Variants in PIP4K2A observed in about 807,000 individuals in gnomAD.
The protein encoded by PIP4K2A is phosphatidylinositol 5-phosphate 4-kinase type-2 alpha.
Under a neutral mutation model 42.9 loss-of-function variants are expected in PIP4K2A, and 14 were observed. That is an observed-to-expected ratio of 0.33 (90% CI 0.22 to 0.51). The LOEUF is 0.51. Among genes scored for constraint, PIP4K2A ranks in the 20% least tolerant of loss-of-function variants. The pLI is 0.97. For missense variants in PIP4K2A, 434 were observed against 519.8 expected (o/e 0.83, Z 1.61); for synonymous variants, 192 against 192.2 (o/e 1.00, Z 0.01).
At chr10:22,683,885 G>C (rs1166444136) in intron 1 of PIP4K2A, among the ~76,000 whole-genome samples, 1 of 150,898 alleles carries the variant, frequency 6.6e-6, no homozygotes, top group Non-Finnish European at 1.5e-5. Context: ...AATTCAAAGT[G>C]TGTCAGATCT....
chr10:22,581,565 T>TTA (rs1491198835), intron 4 of PIP4K2A, among the ~76,000 whole-genome samples: 1 of 78,674 alleles, frequency 1.3e-5, no homozygotes, highest in African/African-American at 5.6e-5. Flanking sequence ...ATCCTATCTC[T>TTA]AAAAAAAAAA....
At chr10:22,612,135 A>AT (rs1190508016) in intron 1 of PIP4K2A, among the ~76,000 whole-genome samples, 2 of 152,162 alleles carry the variant, frequency 1.3e-5, no homozygotes, top group African/African-American at 4.8e-5. Context: ...TTCCTTATTG[A>AT]TTTTCCTTCC....
At chr10:22,653,717 C>G (rs1261579008) in intron 1 of PIP4K2A, among the ~76,000 whole-genome samples, 1 of 152,056 alleles carries the variant, frequency 6.6e-6, no homozygotes, top group Non-Finnish European at 1.5e-5. Context: ...AGTTCGAGAC[C>G]AGCCTGGCCG....
chr10:22,688,588 G>A (rs1316480420), intron 1 of PIP4K2A, among the ~76,000 whole-genome samples: 2 of 152,232 alleles, frequency 1.3e-5, no homozygotes, highest in East Asian at 3.9e-4. Context: ...GAGTAGCTGA[G>A]ACTACAGGCA....
At chr10:22,683,407 G>A (rs1839700526) in intron 1 of PIP4K2A, among the ~76,000 whole-genome samples, 1 of 152,188 alleles carries the variant, frequency 6.6e-6, no homozygotes, top group Non-Finnish European at 1.5e-5. Flanking sequence ...GGGGACCTGA[G>A]TCAGAGCCAG....
intron 1 of PIP4K2A, among the ~76,000 whole-genome samples, chr10:22,618,324 A>G (rs565980760): frequency 1.3e-5 from 2 of 152,218 alleles, no homozygotes; most frequent in African/African-American, 4.8e-5. Flanking sequence ...TCCTTCCACC[A>G]AACAAATGAC....
At chr10:22,557,169 GACAGTT>G (rs144834705) in intron 6 of PIP4K2A, among the ~76,000 whole-genome samples, 3,593 of 152,256 alleles carry the variant, frequency 0.024, 148 homozygotes, top group African/African-American at 0.08. Flanking sequence ...AACGTATCAG[GACAGTT>G]ACAAAGTTCA....
intron 1 of PIP4K2A, among the ~76,000 whole-genome samples, chr10:22,702,810 C>T (rs1050501130): frequency 1.2e-4 from 19 of 152,054 alleles, no homozygotes; most frequent in African/African-American, 4.4e-4. Flanking sequence ...GAATCCCAGC[C>T]CCACTCATTC....
chr10:22,609,371 T>A (rs960695646), intron 2 of PIP4K2A, among the ~76,000 whole-genome samples: 3 of 152,270 alleles, frequency 2.0e-5, no homozygotes, highest in African/African-American at 7.2e-5. Flanking sequence ...ATTTGAATTA[T>A]AATGAGAATA....
At chr10:22,711,436 A>G (rs2130932568) in intron 1 of PIP4K2A, among the ~76,000 whole-genome samples, 1 of 152,378 alleles carries the variant, frequency 6.6e-6, no homozygotes, top group East Asian at 1.9e-4. Flanking sequence ...TTGGAAGGTT[A>G]TAATAGTAAG....
intron 1 of PIP4K2A, among the ~76,000 whole-genome samples, chr10:22,679,067 AAC>A (rs1839614192): frequency 6.6e-6 from 1 of 152,250 alleles, no homozygotes; most frequent in African/African-American, 2.4e-5. Flanking sequence ...CGGCAGAAGC[AAC>A]AAACTAGAGG....
At chr10:22,704,113 A>C (rs1833764875) in intron 1 of PIP4K2A, among the ~76,000 whole-genome samples, 1 of 152,172 alleles carries the variant, frequency 6.6e-6, no homozygotes, top group Admixed American at 6.5e-5. Context: ...AAAATTTCTC[A>C]ATCATGACTG....
chr10:22,591,915 T>G lies in PIP4K2A; in HGVS notation c.340-134A>C, dbSNP rs1837522495. 22 of 722,082 alleles carry G rather than the reference T, an allele frequency of 3.0e-5. No homozygotes were observed. The South Asian group carries it at 4.5e-4, about 15-fold the overall frequency. The allele number at this position is 722,082 out of a possible 1,614,324, so 44.7% of individuals were successfully genotyped here. A position where few individuals can be genotyped will look rare whatever the true frequency, so the allele number is the denominator to read the frequency against. On this transcript the variant is annotated intron_variant, in intron 3 of 9. Coordinates refer to ENST00000376573, the MANE Select transcript of PIP4K2A (RefSeq NM_005028.5). The stretch of plus-strand genomic sequence containing the variant: ...TTTGTGTGTGGGATAAATTGATAAG[T>G]AGGATGACAACATTTTTACATGCAT...
intron 4 of PIP4K2A, among the ~76,000 whole-genome samples, chr10:22,581,071 C>T (rs924960118): frequency 6.6e-6 from 1 of 152,224 alleles, no homozygotes; most frequent in African/African-American, 2.4e-5. Flanking sequence ...GATAAGTGGG[C>T]TTATTCTCCT....
At position 22,609,733 on chromosome 10, in the gene PIP4K2A, A is replaced by G. The variant is rs375658777; in HGVS notation, c.145-16T>C. 1 of 1,453,170 alleles carries G rather than the reference A, an allele frequency of 6.9e-7. No individual in the cohort carries two copies. 90.0% of individuals were successfully genotyped at this position (1,453,170 alleles called of 1,614,324 possible). On this transcript the variant is annotated splice_polypyrimidine_tract_variant and intron_variant, in intron 1 of 9. Transcript: ENST00000376573. ...GTTCATTGATCTGGAAAAATATAAA[A>G]TAAATAGCATGGGTTATTACTATCC...
intron 8 of PIP4K2A, among the ~76,000 whole-genome samples, chr10:22,541,308 T>C (rs1272099968): frequency 6.6e-6 from 1 of 152,114 alleles, no homozygotes; most frequent in Admixed American, 6.5e-5. Flanking sequence ...GAGAGGGCTG[T>C]TGGTAATGAC....
intron 4 of PIP4K2A, among the ~76,000 whole-genome samples, chr10:22,577,224 A>G (rs1326697497): frequency 6.6e-6 from 1 of 151,958 alleles, no homozygotes; most frequent in Non-Finnish European, 1.5e-5. Context: ...AAGTTATCCT[A>G]CTTCAGGTGG....
intron 1 of PIP4K2A, among the ~76,000 whole-genome samples, chr10:22,655,588 T>G (rs1444169779): frequency 6.6e-6 from 1 of 152,270 alleles, no homozygotes; most frequent in African/African-American, 2.4e-5. Context: ...TTTTGTGTTC[T>G]AAGTTGTTTG....
At position 22,536,725 on chromosome 10, in the gene PIP4K2A, A is replaced by AAAAAAAAAAAAAAAAAAAAC. The variant is rs1554791611; in HGVS notation, c.*475_*476insGTTTTTTTTTTTTTTTTTTT. Reference sequence around the variant, plus strand: ...ACATCTTTCAACTCCAAAAAAAAAAAAAAAAAAAAAAAACTGATCCACAGT... The same window carrying AAAAAAAAAAAAAAAAAAAAC: ...ACATCTTTCAACTCCAAAAAAAAAAAAAAAAAAAAAAAAAAAAAACAAAAAAAAAAAAACTGATCCACAGT... On this transcript the variant is annotated 3_prime_UTR_variant, in exon 10 of 10. Coordinates refer to ENST00000376573, the MANE Select transcript of PIP4K2A (RefSeq NM_005028.5). 8.1e-6 allele frequency: 1 copy of AAAAAAAAAAAAAAAAAAAAC among 124,102 alleles called. No individual in the cohort carries two copies. Among genetic ancestry groups the AAAAAAAAAAAAAAAAAAAAC allele is most frequent in the Admixed American group, 8.2e-5 (1 of 12,166 alleles). The allele number at this position is 124,102 out of a possible 1,614,324, so 7.7% of individuals were successfully genotyped here. A position where few individuals can be genotyped will look rare whatever the true frequency, so the allele number is the denominator to read the frequency against.
Sources: gnomAD v4.1 joint callset for allele counts (sites outside exome capture counted in the v4.1 genomes callset) on GRCh38, gnomAD v4.1.1 for gene constraint, MANE v1.5 for transcripts, NCBI Gene and HGNC (gene_info 2026-07-23, HGNC 2026-07-21) for gene names.